Variants in MGLL observed in about 807,000 individuals in gnomAD.
MGLL encodes the protein monoglyceride lipase.
Under a neutral mutation model 29.1 loss-of-function variants are expected in MGLL, and 7 were observed. That is an observed-to-expected ratio of 0.24 (90% confidence interval 0.14 to 0.45). MGLL has a LOEUF of 0.45. MGLL is among the 20% of genes least tolerant of loss of function. The pLI is 0.99. For synonymous variants in MGLL, 148 were observed against 168.3 expected (o/e 0.88, Z 0.93); for missense variants, 356 against 413.6 (o/e 0.86, Z 1.21).
chr3:127,802,307 C>T (rs1320031558), intron 2 of MGLL, among the ~76,000 whole-genome samples: 1 of 152,192 alleles, frequency 6.6e-6, no homozygotes, highest in South Asian at 2.1e-4. Context: ...AAAATGCAAA[C>T]AGGACCAAAG....
intron 3 of MGLL, among the ~76,000 whole-genome samples, chr3:127,739,144 G>A (rs1312263065): frequency 6.6e-6 from 1 of 152,186 alleles, no homozygotes; most frequent in Non-Finnish European, 1.5e-5. Flanking sequence ...GAAAAATCCC[G>A]AAAAGCCTCA....
At chr3:127,695,402 T>A (rs1402592577) in intron 6 of MGLL, among the ~76,000 whole-genome samples, 2 of 152,082 alleles carry the variant, frequency 1.3e-5, no homozygotes, top group Non-Finnish European at 2.9e-5. Context: ...GGCTTGAGGG[T>A]TTCACATACA....
chr3:127,734,903 A>G (rs2076217977), intron 3 of MGLL, among the ~76,000 whole-genome samples: 2 of 152,224 alleles, frequency 1.3e-5, no homozygotes, highest in Admixed American at 1.3e-4. Context: ...TCTGCCCTGC[A>G]TTCCTGGCCA....
At chr3:127,821,128 A>G (rs2077852363) in intron 2 of MGLL, among the ~76,000 whole-genome samples, 1 of 152,242 alleles carries the variant, frequency 6.6e-6, no homozygotes, top group African/African-American at 2.4e-5. Flanking sequence ...GCAGGAGACC[A>G]GCTGTCTTGT....
At chr3:127,763,320 C>T (rs1284690822) in intron 3 of MGLL, among the ~76,000 whole-genome samples, 1 of 152,200 alleles carries the variant, frequency 6.6e-6, no homozygotes, top group Non-Finnish European at 1.5e-5. Context: ...TGCCAAAGAC[C>T]GAAACGGCTT....
At chr3:127,695,779 T>C (rs2107581546) in intron 6 of MGLL, among the ~76,000 whole-genome samples, 1 of 152,308 alleles carries the variant, frequency 6.6e-6, no homozygotes, top group South Asian at 2.1e-4. Flanking sequence ...TTTCAAGTAT[T>C]AATTTGTATT....
chr3:127,722,372 C>A, intron 4 of MGLL, 58 bp downstream of exon 4: 1 of 1,611,236 alleles, frequency 6.2e-7, no homozygotes, highest in Non-Finnish European at 8.5e-7. Context: ...CACCCCCTTC[C>A]CCCTGCAAGG....
chr3:127,805,945 A>G (rs2077557617), intron 2 of MGLL, among the ~76,000 whole-genome samples: 1 of 152,254 alleles, frequency 6.6e-6, no homozygotes, highest in South Asian at 2.1e-4. Context: ...AAAGAATTTT[A>G]AGAAACTCAT....
At chr3:127,762,525 C>A (rs1040703015) in intron 3 of MGLL, among the ~76,000 whole-genome samples, 1 of 152,132 alleles carries the variant, frequency 6.6e-6, no homozygotes, top group Non-Finnish European at 1.5e-5. Flanking sequence ...GTTTAATTTA[C>A]GAAATGGGTG....
intron 3 of MGLL, among the ~76,000 whole-genome samples, chr3:127,762,327 T>C (rs1260283515): frequency 6.6e-6 from 1 of 152,076 alleles, no homozygotes; most frequent in African/African-American, 2.4e-5. Flanking sequence ...GCCAGCCATT[T>C]CCTGGTCACA....
chr3:127,752,947 A>C (rs2076586843), intron 3 of MGLL, among the ~76,000 whole-genome samples: 1 of 152,164 alleles, frequency 6.6e-6, no homozygotes, highest in Non-Finnish European at 1.5e-5. Context: ...ATCACCCTCC[A>C]TTTAGTCATT....
At chr3:127,723,322 G>A (rs765184283) in intron 3 of MGLL, among the ~76,000 whole-genome samples, 13 of 152,236 alleles carry the variant, frequency 8.5e-5, no homozygotes, top group Admixed American at 3.3e-4. Context: ...AAAAGAAAGC[G>A]CTTCTGGAGA....
In MGLL at chr3:127,721,699, G is replaced by A. The variant is rs1290093267; in HGVS notation, c.400-536C>T. ...AAGCACAAAGGTGCTTAAAAGCAAG[G>A]GTTGCAACCGCAAATGCTCACGGGG... is the stretch of plus-strand genomic sequence containing the variant. On this transcript the variant is annotated intron_variant, in intron 4 of 7. Transcript: ENST00000265052. Among the ~76,000 whole-genome samples the A allele has an allele frequency of 2.0e-5, 3 of 152,294 alleles. No individual in the cohort carries two copies. In the East Asian group the frequency reaches 5.8e-4, roughly 29 times the overall value.
chr3:127,739,231 GT>G (rs1264785976), intron 3 of MGLL, among the ~76,000 whole-genome samples: 2 of 152,202 alleles, frequency 1.3e-5, no homozygotes, highest in Non-Finnish European at 2.9e-5. Flanking sequence ...GAGGCCTCTT[GT>G]GGGGGGTTCA....
At chr3:127,700,193 G>C (rs2075451958) in intron 6 of MGLL, among the ~76,000 whole-genome samples, 1 of 152,180 alleles carries the variant, frequency 6.6e-6, no homozygotes, top group African/African-American at 2.4e-5. Flanking sequence ...TGATCTCTGT[G>C]AAATTTAGAA....
At chr3:127,775,951 G>GA (rs1367631878) in intron 3 of MGLL, among the ~76,000 whole-genome samples, 1 of 152,202 alleles carries the variant, frequency 6.6e-6, no homozygotes, top group Admixed American at 6.5e-5. Context: ...AAGGCCAAGG[G>GA]GTTTCCAGTG....
chr3:127,780,713 G>C (rs1437707445), intron 3 of MGLL, among the ~76,000 whole-genome samples: 2 of 152,196 alleles, frequency 1.3e-5, no homozygotes, highest in Non-Finnish European at 2.9e-5. Flanking sequence ...TACAGATAAG[G>C]CTTTCCCGCA....
chr3:127,718,243 C>G (rs576525351), intron 5 of MGLL, among the ~76,000 whole-genome samples: 1 of 152,066 alleles, frequency 6.6e-6, no homozygotes, highest in African/African-American at 2.4e-5. Context: ...GGGGGAGTTG[C>G]TCTAGAAGGT....
At chr3:127,729,824 G>A (rs533026082) in intron 3 of MGLL, among the ~76,000 whole-genome samples, 6 of 152,260 alleles carry the variant, frequency 3.9e-5, no homozygotes, top group South Asian at 4.1e-4. Flanking sequence ...GAGGCCCCAG[G>A]TCACTCTGCG....
Sources: gnomAD v4.1 joint callset for allele counts (sites outside exome capture counted in the v4.1 genomes callset) on GRCh38, gnomAD v4.1.1 for gene constraint, MANE v1.5 for transcripts, NCBI Gene and HGNC (gene_info 2026-07-23, HGNC 2026-07-21) for gene names.